The following GLI2 variants were observed in gnomAD, a reference collection of about 807,000 sequenced individuals.
GLI2 encodes the protein transcription activator GLI2.
In GLI2, 22 loss-of-function variants were observed where a neutral mutation model predicts 78.9. The ratio of observed to expected loss-of-function variants is 0.28; its 90% CI spans 0.20 to 0.40. The LOEUF (loss-of-function observed/expected upper bound fraction) is 0.40, where lower values mean the gene tolerates loss of function less well. GLI2 is among the 10% of genes least tolerant of loss of function. GLI2 has a pLI of 1.00. For synonymous variants in GLI2, 974 were observed against 963.7 expected (o/e 1.01, Z -0.20); for missense variants, 2,097 against 2,213.2 (o/e 0.95, Z 1.05).
intron 1 of GLI2, among the ~76,000 whole-genome samples, chr2:120,741,440 C>T (rs1313631668): frequency 6.6e-6 from 1 of 151,634 alleles, no homozygotes; most frequent in Non-Finnish European, 1.5e-5. Flanking sequence ...TCTGTCCTGC[C>T]CCCACCCCCT....
At chr2:120,987,225 G>T (rs946748514) in intron 13 of GLI2, among the ~76,000 whole-genome samples, 1 of 152,200 alleles carries the variant, frequency 6.6e-6, no homozygotes. Flanking sequence ...CTGACTCTGT[G>T]CCTAGGATTG....
At chr2:120,780,269 G>A (rs368071841) in intron 1 of GLI2, among the ~76,000 whole-genome samples, 1 of 152,206 alleles carries the variant, frequency 6.6e-6, no homozygotes, top group East Asian at 1.9e-4. Flanking sequence ...GATGTCTTGA[G>A]ACCAAGAAGA....
At chr2:120,802,813 GAAGCATCCAC>G (rs1287869961) in intron 2 of GLI2, among the ~76,000 whole-genome samples, 2 of 152,208 alleles carry the variant, frequency 1.3e-5, no homozygotes, top group African/African-American at 4.8e-5. Context: ...CCTCTTCCAC[GAAGCATCCAC>G]TGTGTGCTGG....
Position 120,945,957 on chromosome 2 carries a change from T to TCA in GLI2, c.255-5253_255-5252dup, listed in dbSNP as rs3223143. ...GCCCTGCCCCTCAGGCATAACCTTC[T>TCA]CACACACACACACACACACACACAC... is the stretch of plus-strand genomic sequence containing the variant. On this transcript the variant is annotated intron_variant, in intron 3 of 13. Transcript: ENST00000361492. Among the ~76,000 whole-genome samples, 510 of 134,246 alleles carry TCA rather than the reference T, an allele frequency of 3.8e-3. 4 individuals carry two copies. The highest frequency in any genetic ancestry group is 9.9e-3 in the African/African-American group (374 of 37,716). The allele number at this position is 134,246 out of a possible 152,430, so 88.1% of individuals were successfully genotyped here. A position where few individuals can be genotyped will look rare whatever the true frequency, so the allele number is the denominator to read the frequency against.
chr2:120,895,551 A>G (rs1371464866), intron 2 of GLI2, among the ~76,000 whole-genome samples: 1 of 152,064 alleles, frequency 6.6e-6, no homozygotes, highest in Non-Finnish European at 1.5e-5. Context: ...AAAAATACAA[A>G]AAGTAGCTGG....
At chr2:120,813,796 C>T (rs1685370165) in intron 2 of GLI2, among the ~76,000 whole-genome samples, 1 of 152,208 alleles carries the variant, frequency 6.6e-6, no homozygotes, top group Non-Finnish European at 1.5e-5. Flanking sequence ...TGTTCAGCTT[C>T]CCCACCATCC....
intron 3 of GLI2, among the ~76,000 whole-genome samples, chr2:120,931,335 G>C (rs545751132): frequency 1.3e-5 from 2 of 152,292 alleles, no homozygotes; most frequent in African/African-American, 4.8e-5. Flanking sequence ...CCTCTTCCTA[G>C]TCTGTGGGAG....
At chr2:120,894,161 A>G (rs1300234755) in intron 2 of GLI2, among the ~76,000 whole-genome samples, 3 of 152,208 alleles carry the variant, frequency 2.0e-5, no homozygotes, top group Admixed American at 2.0e-4. Context: ...CTTTCCGGAA[A>G]GGCCCCAATC....
chr2:120,740,862 T>C (rs1027782336), intron 1 of GLI2, among the ~76,000 whole-genome samples: 2 of 152,094 alleles, frequency 1.3e-5, no homozygotes, highest in African/African-American at 4.8e-5. Flanking sequence ...TGCAGGCAGC[T>C]AGAGGGAGGA....
At chr2:120,868,042 A>T (rs1688236662) in intron 2 of GLI2, among the ~76,000 whole-genome samples, 1 of 152,252 alleles carries the variant, frequency 6.6e-6, no homozygotes, top group Admixed American at 6.5e-5. Flanking sequence ...CCCGCAACGG[A>T]TGTACTCCGA....
chr2:120,785,688 C>T (rs1051719967), intron 1 of GLI2, among the ~76,000 whole-genome samples: 17 of 152,226 alleles, frequency 1.1e-4, no homozygotes, highest in African/African-American at 3.9e-4. Flanking sequence ...ATTGCTGGCT[C>T]GTGGCTGCAG....
At chr2:120,763,776 G>A (rs1009183995) in intron 1 of GLI2, among the ~76,000 whole-genome samples, 3 of 152,236 alleles carry the variant, frequency 2.0e-5, no homozygotes, top group East Asian at 1.9e-4. Context: ...CTGAAGGGGC[G>A]GAGCATGGAC....
chr2:120,888,318 A>G (rs915979341), intron 2 of GLI2, among the ~76,000 whole-genome samples: 1 of 152,038 alleles, frequency 6.6e-6, no homozygotes, highest in Non-Finnish European at 1.5e-5. Flanking sequence ...TTTTTGTTTT[A>G]TTTTTGGTAT....
chr2:120,757,154 C>T lies in GLI2; in HGVS notation c.-31+20869C>T, dbSNP rs573657917. 2.7e-4 allele frequency among the ~76,000 whole-genome samples: 41 copies of T among 151,658 alleles called. 1 individual carries two copies. The South Asian group carries it at 7.7e-3, about 29-fold the overall frequency. On this transcript the variant is annotated intron_variant, in intron 1 of 13. Transcript: ENST00000361492. ...ACTACTGTTTTCATGCTCTCATCTG[C>T]GAATTCTAACATTTGTACCTGCTCT...
chr2:120,948,830 C>A (rs1483020680), intron 3 of GLI2, among the ~76,000 whole-genome samples: 1 of 152,216 alleles, frequency 6.6e-6, no homozygotes, highest in Non-Finnish European at 1.5e-5. Flanking sequence ...TTACAGGCTA[C>A]TGTGACCTCA....
chr2:120,927,534 G>A (rs908986614), intron 3 of GLI2, 68 bp downstream of exon 3: 38 of 1,016,876 alleles, frequency 3.7e-5, no homozygotes, highest in Non-Finnish European at 5.7e-5. Flanking sequence ...TGGGCCGGCA[G>A]CCTCAGCCAC....
At chr2:120,873,071 C>T (rs1550984) in intron 2 of GLI2, among the ~76,000 whole-genome samples, 1 of 152,202 alleles carries the variant, frequency 6.6e-6, no homozygotes, top group Non-Finnish European at 1.5e-5. Context: ...ACATACCTGC[C>T]TGCTTTTTAC....
chr2:120,924,261 T>C (rs903214168), intron 2 of GLI2, among the ~76,000 whole-genome samples: 3 of 152,152 alleles, frequency 2.0e-5, no homozygotes, highest in African/African-American at 4.8e-5. Context: ...GTGTGTGCAT[T>C]TGTTAACTAA....
intron 3 of GLI2, among the ~76,000 whole-genome samples, chr2:120,938,982 C>CA (rs1680324472): frequency 6.6e-6 from 1 of 152,170 alleles, no homozygotes; most frequent in African/African-American, 2.4e-5. Flanking sequence ...TGAAAACATG[C>CA]AAAAGAACAA....
Sources: gnomAD v4.1 joint callset for allele counts (sites outside exome capture counted in the v4.1 genomes callset) on GRCh38, gnomAD v4.1.1 for gene constraint, MANE v1.5 for transcripts, NCBI Gene and HGNC (gene_info 2026-07-23, HGNC 2026-07-21) for gene names.